The following CNKSR3 variants were observed in gnomAD, a reference collection of about 807,000 sequenced individuals.
The protein encoded by CNKSR3 is CNKSR family member 3.
Under a neutral mutation model 67.7 loss-of-function variants are expected in CNKSR3, and 36 were observed. The observed-to-expected ratio is 0.53, with a 90% CI of 0.41 to 0.70. The LOEUF (loss-of-function observed/expected upper bound fraction) is 0.70, where lower values mean the gene tolerates loss of function less well. Ranked by LOEUF, CNKSR3 falls within the 30% of genes least tolerant of loss-of-function variation. The pLI is 0.00. For missense variants in CNKSR3, 630 were observed against 695.2 expected (o/e 0.91, Z 1.05); for synonymous variants, 281 against 271.4 (o/e 1.04, Z -0.35).
chr6:154,410,468 T>C, intron 11 of CNKSR3, 36 bp from the exon 12 acceptor site: 1 of 1,465,144 alleles, frequency 6.8e-7, no homozygotes, highest in Middle Eastern at 1.7e-4. Flanking sequence ...ACAAGTTTGA[T>C]GAGTTCTGGA....
At chr6:154,409,891 A>AAG (rs1462156900) in intron 12 of CNKSR3, among the ~76,000 whole-genome samples, 4 of 151,650 alleles carry the variant, frequency 2.6e-5, no homozygotes, top group African/African-American at 9.7e-5. Context: ...CAAAAAAAAA[A>AAG]AAAAAATTAG....
intron 1 of CNKSR3, among the ~76,000 whole-genome samples, chr6:154,461,623 T>C (rs1376355670): frequency 1.3e-5 from 2 of 152,258 alleles, no homozygotes; most frequent in Non-Finnish European, 2.9e-5. Flanking sequence ...GCAGTCCCTA[T>C]ACCTCATGGG....
intron 10 of CNKSR3, among the ~76,000 whole-genome samples, chr6:154,412,486 G>A (rs948867750): frequency 1.3e-5 from 2 of 152,126 alleles, no homozygotes; most frequent in African/African-American, 4.8e-5. Context: ...TCAAGGGAGG[G>A]TGCCTTCCTC....
intron 1 of CNKSR3, among the ~76,000 whole-genome samples, chr6:154,507,417 G>GATC (rs1362349203): frequency 6.6e-6 from 1 of 152,174 alleles, no homozygotes; most frequent in Non-Finnish European, 1.5e-5. Context: ...TCTACATGAA[G>GATC]AGCTGCTTAT....
chr6:154,424,660 TA>T (rs1185802053), intron 7 of CNKSR3, among the ~76,000 whole-genome samples: 1 of 152,246 alleles, frequency 6.6e-6, no homozygotes, highest in East Asian at 1.9e-4. Context: ...AAGGCCCTGG[TA>T]ACTGTGAGTT....
At chr6:154,465,479 T>G (rs1209977463) in intron 1 of CNKSR3, among the ~76,000 whole-genome samples, 1 of 152,164 alleles carries the variant, frequency 6.6e-6, no homozygotes, top group African/African-American at 2.4e-5. Flanking sequence ...TCCCCTCATA[T>G]GTGTACTATA....
chr6:154,467,451 C>T (rs1582884169), intron 1 of CNKSR3, among the ~76,000 whole-genome samples: 1 of 152,194 alleles, frequency 6.6e-6, no homozygotes, highest in East Asian at 1.9e-4. Context: ...TCACTATACA[C>T]ACTGTCAACA....
chr6:154,509,916 G>C (rs1228366330), intron 1 of CNKSR3, 147 bp downstream of exon 1: 1 of 851,568 alleles, frequency 1.2e-6, no homozygotes, highest in Non-Finnish European at 1.9e-6. Flanking sequence ...GGAGCGCACA[G>C]GCCACTCGGC....
intron 1 of CNKSR3, among the ~76,000 whole-genome samples, chr6:154,488,093 C>A (rs1200881330): frequency 6.6e-6 from 1 of 152,126 alleles, no homozygotes; most frequent in Non-Finnish European, 1.5e-5. Flanking sequence ...CTAGCAATAA[C>A]AACGATAAGA....
chr6:154,410,353 A>G lies in CNKSR3; in HGVS notation c.1359T>C (p.His453=), dbSNP rs1349846420. 1.9e-6 allele frequency: 3 copies of G among 1,613,352 alleles called. No homozygotes were observed. The South Asian group carries it at 3.3e-5, about 18-fold the overall frequency. Reference sequence around the variant, plus strand: ...TTGGATGAAACGTACCTTTCCTGCCATGACCTCGAGGTCTGGCAAAAGGGT... The same window carrying G: ...TTGGATGAAACGTACCTTTCCTGCCGTGACCTCGAGGTCTGGCAAAAGGGT... The part of the protein sequence containing the change: ...IVDPFARPRG[H]GRKGEDALCR... Residue 453 remains histidine (H), a synonymous_variant, in exon 12 of 13, where the codon CAT becomes CAC. Transcript: ENST00000607772.
chr6:154,501,578 A>G (rs1461243180), intron 1 of CNKSR3, among the ~76,000 whole-genome samples: 2 of 151,836 alleles, frequency 1.3e-5, no homozygotes, highest in Admixed American at 6.6e-5. Flanking sequence ...CCTCTCCTAG[A>G]ATGCCCTTCT....
intron 9 of CNKSR3, among the ~76,000 whole-genome samples, chr6:154,420,439 C>T (rs1785116688): frequency 6.6e-6 from 1 of 151,872 alleles, no homozygotes; most frequent in African/African-American, 2.4e-5. Context: ...CCTGTAATCC[C>T]AGCACTTTGG....
chr6:154,411,297 G>A (rs528369821), intron 10 of CNKSR3, among the ~76,000 whole-genome samples, 155 bp from the exon 11 acceptor site: 8 of 152,180 alleles, frequency 5.3e-5, no homozygotes, highest in East Asian at 3.9e-4. Flanking sequence ...CCCAGTTGCC[G>A]CTCAAATACA....
intron 1 of CNKSR3, among the ~76,000 whole-genome samples, chr6:154,451,475 A>T (rs62432704): frequency 6.6e-6 from 1 of 150,506 alleles, no homozygotes; most frequent in South Asian, 2.1e-4. Context: ...CCAAACGCGC[A>T]CACACACACA....
At chr6:154,465,871 A>G (rs1436298503) in intron 1 of CNKSR3, among the ~76,000 whole-genome samples, 2 of 152,140 alleles carry the variant, frequency 1.3e-5, no homozygotes, top group African/African-American at 4.8e-5. Context: ...AACACTCAAA[A>G]ATACAGGTGA....
At chr6:154,411,604 A>G (rs1784912392) in intron 10 of CNKSR3, among the ~76,000 whole-genome samples, 1 of 145,868 alleles carries the variant, frequency 6.9e-6, no homozygotes, top group African/African-American at 2.5e-5. Flanking sequence ...ACTGCACTCC[A>G]GCCTGGGCAA....
chr6:154,483,481 A>G (rs1348922915), intron 1 of CNKSR3, among the ~76,000 whole-genome samples: 1 of 152,020 alleles, frequency 6.6e-6, no homozygotes, highest in Admixed American at 6.6e-5. Flanking sequence ...CACTTCACCT[A>G]GAAGTCCCCT....
intron 1 of CNKSR3, among the ~76,000 whole-genome samples, chr6:154,450,633 G>A (rs1785807994): frequency 6.6e-6 from 1 of 152,128 alleles, no homozygotes; most frequent in African/African-American, 2.4e-5. Flanking sequence ...TAATCCCAGG[G>A]AGCTTGCCAG....
At chr6:154,436,906 A>C (rs1355518551) in intron 4 of CNKSR3, among the ~76,000 whole-genome samples, 1 of 152,200 alleles carries the variant, frequency 6.6e-6, no homozygotes, top group Non-Finnish European at 1.5e-5. Flanking sequence ...TTCTTAAAAG[A>C]AATGTGCAGT....
Sources: gnomAD v4.1 joint callset for allele counts (sites outside exome capture counted in the v4.1 genomes callset) on GRCh38, gnomAD v4.1.1 for gene constraint, MANE v1.5 for transcripts, NCBI Gene and HGNC (gene_info 2026-07-23, HGNC 2026-07-21) for gene names.